Variants in GBE1 observed in about 807,000 individuals in gnomAD.
GBE1 encodes the protein 1,4-alpha-glucan-branching enzyme.
GBE1 carries 70 observed loss-of-function variants against 88.8 expected under a neutral mutation model. The ratio of observed to expected loss-of-function variants is 0.79; its 90% CI spans 0.65 to 0.96. The LOEUF is 0.96. Ranked by LOEUF, GBE1 falls within the 40% of genes least tolerant of loss-of-function variation. GBE1 has a pLI of 0.00. For missense variants in GBE1, 872 were observed against 871.0 expected (o/e 1.00, Z -0.01); for synonymous variants, 284 against 300.1 (o/e 0.95, Z 0.56).
intron 7 of GBE1, among the ~76,000 whole-genome samples, chr3:81,607,061 T>G (rs1185897891): frequency 6.6e-6 from 1 of 152,166 alleles, no homozygotes; most frequent in Non-Finnish European, 1.5e-5. Context: ...CATATTGCCA[T>G]TTATGGTTTT....
chr3:81,522,874 C>A (rs1001354707), intron 14 of GBE1, among the ~76,000 whole-genome samples: 1 of 151,542 alleles, frequency 6.6e-6, no homozygotes, highest in African/African-American at 2.4e-5. Flanking sequence ...AGAGACGACT[C>A]AGTTTTCCAA....
At chr3:81,501,960 A>C (rs1478593150) in intron 14 of GBE1, among the ~76,000 whole-genome samples, 2 of 150,848 alleles carry the variant, frequency 1.3e-5, no homozygotes, top group Non-Finnish European at 2.9e-5. Flanking sequence ...CGGCCTCTTA[A>C]AGTGCTGGGA....
intron 12 of GBE1, among the ~76,000 whole-genome samples, chr3:81,539,130 A>G (rs760365194): frequency 5.5e-4 from 84 of 152,054 alleles, no homozygotes; most frequent in Non-Finnish European, 8.8e-5. Flanking sequence ...AGGCACAAAG[A>G]TGTTACACAG....
chr3:81,760,720 T>C (rs973389663), intron 1 of GBE1, among the ~76,000 whole-genome samples: 4 of 152,348 alleles, frequency 2.6e-5, no homozygotes, highest in African/African-American at 9.6e-5. Flanking sequence ...AAAGTTGCTT[T>C]CCTGACCTTT....
At chr3:81,635,731 G>C (rs1704583217) in intron 7 of GBE1, among the ~76,000 whole-genome samples, 1 of 152,086 alleles carries the variant, frequency 6.6e-6, no homozygotes, top group Non-Finnish European at 1.5e-5. Context: ...GACTTAAATG[G>C]ATAATCACTT....
At chr3:81,699,275 T>C (rs1705650365) in intron 2 of GBE1, among the ~76,000 whole-genome samples, 1 of 151,880 alleles carries the variant, frequency 6.6e-6, no homozygotes, top group Non-Finnish European at 1.5e-5. Flanking sequence ...AGTTCAGAAG[T>C]CAAGAAATCT....
At chr3:81,624,664 A>G (rs188978314) in intron 7 of GBE1, among the ~76,000 whole-genome samples, 2 of 152,286 alleles carry the variant, frequency 1.3e-5, no homozygotes, top group Admixed American at 1.3e-4. Context: ...GCATACACAC[A>G]CACATAACAT....
chr3:81,511,177 C>A (rs1337397926), intron 14 of GBE1, among the ~76,000 whole-genome samples: 1 of 151,936 alleles, frequency 6.6e-6, no homozygotes, highest in African/African-American at 2.4e-5. Flanking sequence ...AAAATTAACT[C>A]AAGATGGACA....
intron 1 of GBE1, among the ~76,000 whole-genome samples, chr3:81,749,330 G>GA (rs923254688): frequency 1.8e-4 from 26 of 147,070 alleles, no homozygotes; most frequent in African/African-American, 2.7e-4. Context: ...TATGCTGAAT[G>GA]AAAAAAAAAG....
At chr3:81,519,047 T>C (rs558311850) in intron 14 of GBE1, among the ~76,000 whole-genome samples, 2 of 151,770 alleles carry the variant, frequency 1.3e-5, no homozygotes, top group East Asian at 1.9e-4. Flanking sequence ...TTAAGTCCTT[T>C]GTTTTTATTT....
intron 10 of GBE1, among the ~76,000 whole-genome samples, chr3:81,585,209 T>C (rs565076258): frequency 1.3e-4 from 20 of 152,246 alleles, no homozygotes; most frequent in Admixed American, 5.2e-4. Context: ...GTCACAGCTA[T>C]GCATTGCACA....
At chr3:81,704,229 T>C (rs1352484329) in intron 2 of GBE1, among the ~76,000 whole-genome samples, 1 of 152,044 alleles carries the variant, frequency 6.6e-6, no homozygotes, top group Admixed American at 6.6e-5. Context: ...TTACTAAAAT[T>C]TCTGAATTAC....
In GBE1 at chr3:81,561,709, G is replaced by A. The variant is rs144799600; in HGVS notation, c.1618+16216C>T. 1.1e-4 allele frequency among the ~76,000 whole-genome samples: 17 copies of A among 152,092 alleles called. No individual in the cohort carries two copies. The East Asian group carries it at 3.3e-3, about 29-fold the overall frequency. On this transcript the variant is annotated intron_variant, in intron 12 of 15. Transcript: ENST00000429644. ...ATCAATCAAGTAACATATCTAAACT[G>A]GATCTGACCATGCCAATCTCCTGCA... is the stretch of plus-strand genomic sequence containing the variant.
chr3:81,744,230 A>C (rs1706392057), intron 1 of GBE1, among the ~76,000 whole-genome samples: 1 of 152,136 alleles, frequency 6.6e-6, no homozygotes, highest in Admixed American at 6.6e-5. Context: ...ATAAGTGTAA[A>C]ATACACATCA....
intron 1 of GBE1, among the ~76,000 whole-genome samples, chr3:81,758,764 C>T (rs1411847959): frequency 6.6e-6 from 1 of 152,138 alleles, no homozygotes; most frequent in Non-Finnish European, 1.5e-5. Context: ...TATTTTATAG[C>T]AGAGTAACTC....
chr3:81,642,587 G>T, intron 7 of GBE1, 194 bp downstream of exon 7: 1 of 493,398 alleles, frequency 2.0e-6, no homozygotes, highest in Admixed American at 4.0e-5. Context: ...ATGTAAAATT[G>T]AAATTTAATG....
At chr3:81,581,760 A>G (rs986273997) in intron 10 of GBE1, among the ~76,000 whole-genome samples, 3 of 152,094 alleles carry the variant, frequency 2.0e-5, no homozygotes, top group South Asian at 2.1e-4. Context: ...ATTATCATCA[A>G]ATAATTACCC....
At chr3:81,702,114 T>A (rs879636913) in intron 2 of GBE1, among the ~76,000 whole-genome samples, 26,895 of 73,636 alleles carry the variant, frequency 0.37, 3,332 homozygotes, top group African/African-American at 0.53. Context: ...TGTGTGTGTG[T>A]GTGTGTGTGT....
At chr3:81,562,866 C>CTTTT (rs559665731) in intron 12 of GBE1, among the ~76,000 whole-genome samples, 35 of 143,658 alleles carry the variant, frequency 2.4e-4, no homozygotes, top group South Asian at 2.2e-3. Context: ...TCACTTTCAT[C>CTTTT]TTTTTTTTTT....
Sources: gnomAD v4.1 joint callset for allele counts (sites outside exome capture counted in the v4.1 genomes callset) on GRCh38, gnomAD v4.1.1 for gene constraint, MANE v1.5 for transcripts, NCBI Gene and HGNC (gene_info 2026-07-23, HGNC 2026-07-21) for gene names.